SNX24: variants seen among roughly 807,000 people sequenced by gnomAD.
The protein encoded by SNX24 is sorting nexin-24.
SNX24 carries 22 observed loss-of-function variants against 28.7 expected under a neutral mutation model. The observed-to-expected ratio is 0.77, with a 90% CI of 0.55 to 1.10. The LOEUF is 1.10. Among genes scored for constraint, SNX24 ranks in the 50% least tolerant of loss-of-function variants. The probability of loss-of-function intolerance (pLI) is 0.00; values close to 1 mark genes in which losing one functional copy is unlikely to be tolerated. For synonymous variants in SNX24, 69 were observed against 71.5 expected, an observed-to-expected ratio of 0.96 and a Z score of 0.18; for missense variants, 221 against 201.1, an observed-to-expected ratio of 1.10 and a Z score of -0.60.
At chr5:122,918,660 T>C (rs1183914138) in intron 1 of SNX24, among the ~76,000 whole-genome samples, 2 of 152,198 alleles carry the variant, frequency 1.3e-5, no homozygotes, top group African/African-American at 4.8e-5. Context: ...TATAGACTTT[T>C]AGAGCTCAAA....
chr5:122,986,737 G>A (rs1008926702), intron 3 of SNX24, among the ~76,000 whole-genome samples: 56 of 93,108 alleles, frequency 6.0e-4, no homozygotes, highest in Non-Finnish European at 1.1e-3. Flanking sequence ...TAGCCTCTAA[G>A]GGATTTTTTT....
At chr5:122,974,757 A>G (rs150632286) in intron 3 of SNX24, among the ~76,000 whole-genome samples, 44 of 152,312 alleles carry the variant, frequency 2.9e-4, no homozygotes, top group African/African-American at 1.0e-3. Flanking sequence ...GGTGGCACTA[A>G]TCTCTGTAAT....
intron 3 of SNX24, among the ~76,000 whole-genome samples, chr5:122,965,816 G>C (rs1436936574): frequency 2.6e-5 from 4 of 152,192 alleles, no homozygotes; most frequent in Admixed American, 2.6e-4. Flanking sequence ...ACTAAATGCT[G>C]TGATGTTTCC....
At chr5:122,947,042 A>T (rs1183845381) in intron 3 of SNX24, among the ~76,000 whole-genome samples, 1 of 152,174 alleles carries the variant, frequency 6.6e-6, no homozygotes, top group Non-Finnish European at 1.5e-5. Flanking sequence ...CATGAGAATG[A>T]TGGAGTGAAC....
In SNX24 at chr5:122,999,970, G is replaced by A. The variant is rs1424323892; in HGVS notation, c.308G>A (p.Arg103Gln). The A allele has an allele frequency of 2.5e-6, 4 of 1,612,812 alleles. No homozygotes were observed. The highest frequency in any genetic ancestry group is 2.7e-5 in the African/African-American group (2 of 74,882). The change falls in exon 4 of 7, where the codon CGA (arginine) becomes CAA (glutamine). Residue 103 changes from arginine (R) to glutamine (Q), a missense_variant. Coordinates refer to ENST00000261369, the MANE Select transcript of SNX24 (RefSeq NM_014035.4). The stretch of plus-strand genomic sequence containing the variant: ...CTGTTTCTTGATTTCCTAAATGTGC[G>A]ACACTTGCCCTCTCTACCAAAGGCA... ...PKLFLDFLNVRHLPSLPKAES... is the reference protein window; with the variant it reads ...PKLFLDFLNVQHLPSLPKAES...
rs74533520 is a variant in SNX24 at position 123,016,406 on chromosome 5, A to G, written n.384-12832A>G. Among the ~76,000 whole-genome samples, 866 of 152,330 alleles carry G rather than the reference A, an allele frequency of 5.7e-3. 5 individuals carry two copies. The highest frequency in any genetic ancestry group is 8.8e-3 in the Non-Finnish European group (596 of 68,032). On this transcript the variant is annotated intron_variant and non_coding_transcript_variant, in intron 5 of 5. Coordinates refer to the SNX24 transcript ENST00000502387. ...CCAAATCAGAAGAGAGCTTCAGTCA[A>G]GGTCCTGAAGGAAAGCCAGTGAGCC...
chr5:122,942,663 A>G (rs923466317), intron 2 of SNX24, among the ~76,000 whole-genome samples: 2 of 152,214 alleles, frequency 1.3e-5, no homozygotes, highest in Non-Finnish European at 2.9e-5. Context: ...TGTTTGTGGT[A>G]TCGTGGAATC....
chr5:123,007,610 G>A, intron 6 of SNX24, 72 bp from the exon 7 acceptor site: 11 of 1,315,062 alleles, frequency 8.4e-6, no homozygotes, highest in South Asian at 1.3e-5. Flanking sequence ...TCTACAGAAT[G>A]CAATTATATT....
At chr5:122,854,531 A>C (rs1173935221) in intron 1 of SNX24, among the ~76,000 whole-genome samples, 1 of 144,998 alleles carries the variant, frequency 6.9e-6, no homozygotes, top group African/African-American at 2.7e-5. Flanking sequence ...AAAAAAACAA[A>C]AAAAAAAACA....
intron 3 of SNX24, among the ~76,000 whole-genome samples, chr5:122,999,211 G>C (rs1010849373): frequency 6.6e-6 from 1 of 152,052 alleles, no homozygotes; most frequent in African/African-American, 2.4e-5. Context: ...ATGCCATCAT[G>C]CCAGCTATGT....
Position 122,954,702 on chromosome 5 carries a change from TTCTTG to T in SNX24, c.249+8548_249+8552del, listed in dbSNP as rs1760128070. On this transcript the variant is annotated intron_variant, in intron 3 of 6. Coordinates refer to ENST00000261369, the MANE Select transcript of SNX24 (RefSeq NM_014035.4). ...ACTTGCAAAATATTGTGACACTTCT[TTCTTG>T]TCTTCGTGGTTTCTGATTTTTAAAA... 2.1e-5 allele frequency among the ~76,000 whole-genome samples: 3 copies of T among 143,126 alleles called. No homozygotes were observed. In the South Asian group the frequency reaches 7.0e-4, roughly 33 times the overall value. 93.9% of individuals were successfully genotyped at this position (143,126 alleles called of 152,430 possible).
At chr5:122,902,411 A>T (rs1044504637) in intron 1 of SNX24, among the ~76,000 whole-genome samples, 1 of 152,184 alleles carries the variant, frequency 6.6e-6, no homozygotes, top group Non-Finnish European at 1.5e-5. Flanking sequence ...ATGGAAGAGG[A>T]CCAGGGAAGA....
At chr5:122,879,781 A>T (rs1247153882) in intron 1 of SNX24, among the ~76,000 whole-genome samples, 1 of 152,186 alleles carries the variant, frequency 6.6e-6, no homozygotes, top group Non-Finnish European at 1.5e-5. Context: ...TTGGCCTCCC[A>T]AAGTGCTGAG....
intron 1 of SNX24, among the ~76,000 whole-genome samples, chr5:122,870,993 C>A (rs746168698): frequency 1.9e-4 from 29 of 152,114 alleles, no homozygotes; most frequent in Non-Finnish European, 3.1e-4. Context: ...CTGGGGCCCA[C>A]CCTCAGAGAA....
intron 3 of SNX24, among the ~76,000 whole-genome samples, chr5:122,985,661 A>C (rs1761573911): frequency 6.6e-6 from 1 of 152,248 alleles, no homozygotes; most frequent in African/African-American, 2.4e-5. Context: ...TTGCTTCAGC[A>C]TTCATGTGAA....
At chr5:122,906,645 G>C (rs1015132449) in intron 1 of SNX24, among the ~76,000 whole-genome samples, 45 of 152,214 alleles carry the variant, frequency 3.0e-4, no homozygotes, top group African/African-American at 1.1e-3. Flanking sequence ...AGTAGCTAGG[G>C]TTACAGGCAC....
chr5:122,952,886 A>G lies in SNX24; in HGVS notation c.249+6727A>G, dbSNP rs1312549447. Among the ~76,000 whole-genome samples, 8 of 152,300 alleles carry G rather than the reference A, an allele frequency of 5.3e-5. No individual in the cohort carries two copies. The East Asian group carries it at 1.5e-3, about 29-fold the overall frequency. ...AAACTGTTCCATAAAGCACAGATACAGAAACGTCAAACAAAAGACATAGAG... is the reference window on the plus strand; with the variant it reads ...AAACTGTTCCATAAAGCACAGATACGGAAACGTCAAACAAAAGACATAGAG... On this transcript the variant is annotated intron_variant, in intron 3 of 6. Transcript: ENST00000261369.
At chr5:122,858,313 A>C (rs1416532297) in intron 1 of SNX24, among the ~76,000 whole-genome samples, 1 of 152,266 alleles carries the variant, frequency 6.6e-6, no homozygotes, top group Non-Finnish European at 1.5e-5. Flanking sequence ...TAAAGTGAGC[A>C]CATGCTATTG....
intron 2 of SNX24, among the ~76,000 whole-genome samples, chr5:122,942,219 G>A (rs1269327212): frequency 6.6e-6 from 1 of 152,108 alleles, no homozygotes; most frequent in Non-Finnish European, 1.5e-5. Flanking sequence ...GTGAAATATG[G>A]TGCTGGTTCA....
Sources: gnomAD v4.1 joint callset for allele counts (sites outside exome capture counted in the v4.1 genomes callset) on GRCh38, gnomAD v4.1.1 for gene constraint, MANE v1.5 for transcripts, NCBI Gene and HGNC (gene_info 2026-07-23, HGNC 2026-07-21) for gene names.